GLG1: variants seen among roughly 807,000 people sequenced by gnomAD.
The protein encoded by GLG1 is Golgi apparatus protein 1.
A neutral mutation model predicts 160.5 loss-of-function variants in GLG1; 38 were observed. The ratio of observed to expected loss-of-function variants is 0.24; its 90% CI spans 0.18 to 0.31. The LOEUF (loss-of-function observed/expected upper bound fraction) is 0.31, where lower values mean the gene tolerates loss of function less well. Ranked by LOEUF, GLG1 falls within the 10% of genes least tolerant of loss-of-function variation. GLG1 has a pLI of 1.00. For missense variants in GLG1, 1,373 were observed against 1,505.2 expected, an observed-to-expected ratio of 0.91 and a Z score of 1.45; for synonymous variants, 644 against 543.4, an observed-to-expected ratio of 1.19 and a Z score of -2.57.
At chr16:74,580,052 G>A (rs545505760) in intron 1 of GLG1, among the ~76,000 whole-genome samples, 25 of 152,298 alleles carry the variant, frequency 1.6e-4, no homozygotes, top group Admixed American at 8.5e-4. Flanking sequence ...GACAGAGTGA[G>A]ACTCCGTCTC....
chr16:74,527,318 C>T (rs1375868876), intron 2 of GLG1, among the ~76,000 whole-genome samples: 7 of 135,538 alleles, frequency 5.2e-5, no homozygotes, highest in Admixed American at 3.5e-4. Flanking sequence ...GGCGCTATCT[C>T]GGCTCACTGC....
At chr16:74,460,410 G>A (rs528854595) in intron 22 of GLG1, among the ~76,000 whole-genome samples, 1 of 152,252 alleles carries the variant, frequency 6.6e-6, no homozygotes, top group Admixed American at 6.5e-5. Flanking sequence ...TCCTACCTTG[G>A]CCTCCCAAAG....
At chr16:74,575,590 G>A (rs957324380) in intron 1 of GLG1, among the ~76,000 whole-genome samples, 3 of 151,906 alleles carry the variant, frequency 2.0e-5, no homozygotes, top group Admixed American at 6.6e-5. Flanking sequence ...AAGATCTCTC[G>A]CTCTGTTTTT....
intron 2 of GLG1, among the ~76,000 whole-genome samples, chr16:74,510,441 A>C (rs1166146033): frequency 6.6e-6 from 1 of 152,204 alleles, no homozygotes; most frequent in Admixed American, 6.5e-5. Context: ...AGCTTCCATA[A>C]AAATATTTTG....
At chr16:74,578,730 C>G (rs1957868595) in intron 1 of GLG1, among the ~76,000 whole-genome samples, 1 of 152,228 alleles carries the variant, frequency 6.6e-6, no homozygotes, top group African/African-American at 2.4e-5. Context: ...TGAATGCACA[C>G]ACAAAAAAAG....
intron 1 of GLG1, chr16:74,563,330 G>A (rs561118181): frequency 1.3e-5 from 2 of 152,306 alleles, no homozygotes; most frequent in South Asian, 4.1e-4. Flanking sequence ...TACATCAGAG[G>A]TGAAAAAGAA....
intron 1 of GLG1, among the ~76,000 whole-genome samples, chr16:74,562,237 G>T (rs995632296): frequency 1.3e-5 from 2 of 152,218 alleles, no homozygotes; most frequent in Admixed American, 1.3e-4. Flanking sequence ...GAAGCTAACT[G>T]AATTGACTGG....
At chr16:74,532,774 AC>A (rs1377634039) in intron 1 of GLG1, among the ~76,000 whole-genome samples, 1 of 152,040 alleles carries the variant, frequency 6.6e-6, no homozygotes, top group Non-Finnish European at 1.5e-5. Flanking sequence ...TGATCCACCC[AC>A]CTGAGCTTCC....
chr16:74,492,365 CA>C (rs557279333), intron 7 of GLG1, among the ~76,000 whole-genome samples: 288 of 98,892 alleles, frequency 2.9e-3, no homozygotes, highest in Non-Finnish European at 2.3e-3. Flanking sequence ...GACTCTGTCT[CA>C]AAAAAAAAAA....
chr16:74,482,967 A>G, intron 10 of GLG1, 56 bp downstream of exon 10: 1 of 897,180 alleles, frequency 1.1e-6, no homozygotes, highest in Non-Finnish European at 1.9e-6. Flanking sequence ...GGTAATTATG[A>G]CTACACAGGA....
At position 74,505,618 on chromosome 16, in the gene GLG1, G is replaced by A. The variant is rs571961566; in HGVS notation, c.559-1872C>T. ...GCCTGTAATCCTAGCACTTTGGGAG[G>A]CTGAGGCAGGTGGACTGCCGGAGCT... On this transcript the variant is annotated intron_variant, in intron 3 of 25. Transcript: ENST00000422840. 1.2e-3 allele frequency among the ~76,000 whole-genome samples: 179 copies of A among 152,250 alleles called. 2 individuals are homozygous for A. Among genetic ancestry groups the A allele is most frequent in the African/African-American group, 4.1e-3 (172 of 41,554 alleles).
At chr16:74,542,563 T>A (rs2017903199) in intron 1 of GLG1, among the ~76,000 whole-genome samples, 1 of 149,526 alleles carries the variant, frequency 6.7e-6, no homozygotes, top group Non-Finnish European at 1.5e-5. Flanking sequence ...CCCAGCTACT[T>A]TGGGAGGCTG....
rs1036552822 is a variant in GLG1 at position 74,449,777 on chromosome 16, C to A, written c.*3390G>T. On this transcript the variant is annotated 3_prime_UTR_variant, in exon 26 of 26. Coordinates refer to ENST00000422840, the MANE Select transcript of GLG1 (RefSeq NM_001145667.2). ...CAGAACTGCAGCTGGGGGTGGTAGC[C>A]CGGGGAAGATCGCTTTCCCGGGGGT... The A allele has an allele frequency of 1.3e-5, 2 of 152,384 alleles. No individual in the cohort carries two copies. The highest frequency in any genetic ancestry group is 2.9e-5 in the Non-Finnish European group (2 of 68,206). 9.4% of individuals were successfully genotyped at this position (152,384 alleles called of 1,614,324 possible).
intron 1 of GLG1, among the ~76,000 whole-genome samples, chr16:74,583,131 C>T (rs1042434219): frequency 2.6e-5 from 4 of 152,124 alleles, no homozygotes; most frequent in African/African-American, 7.2e-5. Flanking sequence ...AACCCTTCAT[C>T]GCAAGCTGTC....
At chr16:74,504,818 T>C (rs2016538594) in intron 3 of GLG1, among the ~76,000 whole-genome samples, 1 of 152,150 alleles carries the variant, frequency 6.6e-6, no homozygotes, top group African/African-American at 2.4e-5. Context: ...TTCTGCATGG[T>C]GGTGTTCCTG....
intron 1 of GLG1, among the ~76,000 whole-genome samples, chr16:74,542,335 T>G (rs2017893199): frequency 6.6e-6 from 1 of 151,424 alleles, no homozygotes; most frequent in Non-Finnish European, 1.5e-5. Context: ...AGGTACAAAT[T>G]TGTCAAATCA....
chr16:74,489,856 T>C (rs1017695284), intron 8 of GLG1, among the ~76,000 whole-genome samples: 11 of 152,232 alleles, frequency 7.2e-5, no homozygotes, highest in Non-Finnish European at 1.3e-4. Flanking sequence ...GACATAATTT[T>C]ACTCCACATC....
chr16:74,562,120 T>C (rs1056663427), intron 1 of GLG1, among the ~76,000 whole-genome samples: 5 of 152,254 alleles, frequency 3.3e-5, no homozygotes, highest in African/African-American at 1.2e-4. Flanking sequence ...AAAATGTGTT[T>C]CCCTCACGGG....
chr16:74,561,407 G>A (rs928023794), intron 1 of GLG1, among the ~76,000 whole-genome samples: 5 of 152,122 alleles, frequency 3.3e-5, no homozygotes, highest in African/African-American at 1.2e-4. Flanking sequence ...CTTCAAGAAC[G>A]TTCATGGAAA....
Sources: allele counts gnomAD v4.1 joint callset (sites outside exome capture counted in the v4.1 genomes callset), GRCh38; gene constraint gnomAD v4.1.1; transcripts MANE v1.5; gene names NCBI Gene and HGNC (gene_info 2026-07-23, HGNC 2026-07-21).